MSH3: variants seen among roughly 807,000 people sequenced by gnomAD.
MSH3 encodes mutS homolog 3.
In MSH3, 106 loss-of-function variants were observed where a neutral mutation model predicts 123.3. The observed-to-expected ratio is 0.86, with a 90% confidence interval of 0.73 to 1.01. The LOEUF (loss-of-function observed/expected upper bound fraction) is 1.01. Ranked by LOEUF, MSH3 falls within the 50% of genes least tolerant of loss-of-function variation. The pLI is 0.00. For synonymous variants in MSH3, 515 were observed against 481.4 expected (o/e 1.07, Z -0.91); for missense variants, 1,459 against 1,347.6 (o/e 1.08, Z -1.29).
At position 80,845,910 on chromosome 5, in the gene MSH3, C is replaced by T. The variant is rs140876588; in HGVS notation, c.2814-8220C>T. On this transcript the variant is annotated intron_variant, in intron 20 of 23. Transcript: ENST00000265081. ...CTTCTGAAGCCTACTTCTGTCAACT[C>T]ATCAAACTCATTCTCTGCCCAGTTT... Among the ~76,000 whole-genome samples the T allele has an allele frequency of 2.2e-3, 342 of 152,254 alleles. 2 individuals are homozygous for T. The highest frequency in any genetic ancestry group is 8.0e-3 in the African/African-American group (331 of 41,554).
chr5:80,692,198 TTAGATAGATAAACATGTATATGTTTAGA>T (rs1580564904), intron 8 of MSH3, among the ~76,000 whole-genome samples: 2 of 75,280 alleles, frequency 2.7e-5, no homozygotes, highest in East Asian at 9.6e-4. Flanking sequence ...ATGTATATGT[TTAGATAGATAAACATGTATATGTTTAGA>T]TAGATAAACA....
intron 22 of MSH3, among the ~76,000 whole-genome samples, chr5:80,865,542 A>G (rs898944430): frequency 7.2e-5 from 11 of 152,160 alleles, no homozygotes; most frequent in African/African-American, 1.9e-4. Flanking sequence ...GAAATCTACA[A>G]TATTTTTCCT....
intron 12 of MSH3, among the ~76,000 whole-genome samples, chr5:80,745,504 G>A (rs1450895665): frequency 6.6e-6 from 1 of 152,204 alleles, no homozygotes; most frequent in African/African-American, 2.4e-5. Flanking sequence ...CTTGCTTAGT[G>A]TTTCATAGCT....
At chr5:80,656,241 T>C (rs1749280230) in intron 1 of MSH3, among the ~76,000 whole-genome samples, 170 bp from the exon 2 acceptor site, 1 of 152,168 alleles carries the variant, frequency 6.6e-6, no homozygotes, top group Admixed American at 6.5e-5. Flanking sequence ...TCTTTTATGG[T>C]GTTAAAAACA....
intron 12 of MSH3, among the ~76,000 whole-genome samples, chr5:80,748,665 T>G (rs1480056311): frequency 6.6e-6 from 1 of 150,990 alleles, no homozygotes; most frequent in Non-Finnish European, 1.5e-5. Context: ...TTCTTTCAGT[T>G]GATATAGTCT....
intron 9 of MSH3, among the ~76,000 whole-genome samples, chr5:80,725,845 G>A (rs1743286080): frequency 6.6e-6 from 1 of 152,152 alleles, no homozygotes; most frequent in African/African-American, 2.4e-5. Context: ...GCGAGATCCT[G>A]TCTGTTAAAA....
Position 80,797,305 on chromosome 5 carries a change from A to C in MSH3, c.2655+4461A>C, listed in dbSNP as rs561515323. ...TAAGCATGAAGAGAACAGGGACTAC[A>C]TCTCTGTCACCTATGTGTAATCCCA... On this transcript the variant is annotated intron_variant, in intron 19 of 23. Transcript: ENST00000265081. Among the ~76,000 whole-genome samples the C allele has an allele frequency of 3.3e-5, 5 of 152,280 alleles. No individual in the cohort carries two copies. The South Asian group carries it at 1.0e-3, about 32-fold the overall frequency.
intron 19 of MSH3, among the ~76,000 whole-genome samples, chr5:80,797,056 G>A (rs1329745611): frequency 1.3e-5 from 1 of 78,860 alleles, no homozygotes; most frequent in African/African-American, 5.0e-5. Flanking sequence ...ACCCACTCCC[G>A]CCTCACACAC....
chr5:80,748,379 TTTTAC>T (rs746108335), intron 12 of MSH3, among the ~76,000 whole-genome samples: 17 of 152,136 alleles, frequency 1.1e-4, no homozygotes, highest in Non-Finnish European at 2.5e-4. Flanking sequence ...TAAAAATGAT[TTTTAC>T]TTTACTTATT....
rs1580034033 is a variant in MSH3, at chr5:80,768,119, A to G, written c.2083A>G (p.Lys695Glu). 8.1e-6 allele frequency: 13 copies of G among 1,613,352 alleles called. No individual in the cohort carries two copies. Among genetic ancestry groups the G allele is most frequent in the Non-Finnish European group, 1.1e-5 (13 of 1,179,340 alleles). Reference protein sequence around the residue: ...YLKILNEQAAKVGDKTELFKD... With the variant: ...YLKILNEQAAEVGDKTELFKD... ...AAAGATACTCAATGAACAAGCTGCCAAGTAAGTACCAGACCCTGAATTCTT... is the reference window on the plus strand; with the variant it reads ...AAAGATACTCAATGAACAAGCTGCCGAGTAAGTACCAGACCCTGAATTCTT... Residue 695 changes from lysine (K) to glutamate (E), a missense_variant and splice_region_variant, in exon 14 of 24, where the codon AAA becomes GAA. By Grantham distance (56) the Lys-to-Glu change is moderately conservative (BLOSUM62 1). Transcript: ENST00000265081.
chr5:80,820,844 C>T (rs1182959768), intron 20 of MSH3, among the ~76,000 whole-genome samples: 1 of 152,186 alleles, frequency 6.6e-6, no homozygotes. Context: ...GTCCTGACAA[C>T]ACTCTGTGTA....
At chr5:80,761,021 A>G (rs756899533) in intron 12 of MSH3, among the ~76,000 whole-genome samples, 15 of 152,166 alleles carry the variant, frequency 9.9e-5, no homozygotes, top group Non-Finnish European at 2.1e-4. Flanking sequence ...TTTGATTCAG[A>G]TAATAATAAG....
intron 22 of MSH3, among the ~76,000 whole-genome samples, chr5:80,869,911 C>T (rs1451774108): frequency 2.7e-5 from 4 of 150,182 alleles, no homozygotes; most frequent in African/African-American, 9.8e-5. Flanking sequence ...TGGTGGCTCA[C>T]GCCTGTAATC....
At chr5:80,793,467 G>C (rs1744644154) in intron 19 of MSH3, among the ~76,000 whole-genome samples, 1 of 152,206 alleles carries the variant, frequency 6.6e-6, no homozygotes, top group Admixed American at 6.5e-5. Context: ...TGGCATGATA[G>C]AGGAGACCAG....
chr5:80,864,728 A>G, intron 21 of MSH3, 85 bp from the exon 22 acceptor site: 1 of 1,287,176 alleles, frequency 7.8e-7, no homozygotes, highest in East Asian at 2.5e-5. Flanking sequence ...AAGATTTAAA[A>G]TTTTTCAAAA....
intron 10 of MSH3, among the ~76,000 whole-genome samples, chr5:80,737,567 T>C (rs1192744519): frequency 6.6e-6 from 1 of 152,248 alleles, no homozygotes; most frequent in Non-Finnish European, 1.5e-5. Context: ...ATAGAATTTG[T>C]CTTCTTCTAC....
At chr5:80,813,201 CCAAATAGGGCCATGGG>C (rs1378232779) in intron 19 of MSH3, among the ~76,000 whole-genome samples, 1 of 152,030 alleles carries the variant, frequency 6.6e-6, no homozygotes, top group African/African-American at 2.4e-5. Context: ...GCTGCCAACC[CCAAATAGGGCCATGGG>C]CAAATAGATA....
intron 8 of MSH3, among the ~76,000 whole-genome samples, chr5:80,700,562 T>C (rs909658273): frequency 6.6e-6 from 1 of 152,148 alleles, no homozygotes; most frequent in African/African-American, 2.4e-5. Flanking sequence ...GTATTTTCAG[T>C]AGGTTTTTTT....
chr5:80,843,694 A>G (rs1388973500), intron 20 of MSH3, among the ~76,000 whole-genome samples: 2 of 152,088 alleles, frequency 1.3e-5, no homozygotes, highest in African/African-American at 2.4e-5. Context: ...ATTTGCATAG[A>G]GGTGTTTATA....
Sources: gnomAD v4.1 joint callset for allele counts (sites outside exome capture counted in the v4.1 genomes callset) on GRCh38, gnomAD v4.1.1 for gene constraint, MANE v1.5 for transcripts, NCBI Gene and HGNC (gene_info 2026-07-23, HGNC 2026-07-21) for gene names.